The following SRGAP1 variants were observed in gnomAD, a reference collection of about 807,000 sequenced individuals.
SRGAP1 encodes SLIT-ROBO Rho GTPase-activating protein 1.
SRGAP1 carries 43 observed loss-of-function variants against 121.9 expected under a neutral mutation model. That is an observed-to-expected ratio of 0.35 (90% CI 0.28 to 0.46). SRGAP1 has a LOEUF of 0.46. SRGAP1 is among the 20% of genes least tolerant of loss of function. The pLI is 1.00. For synonymous variants in SRGAP1, 447 were observed against 485.4 expected (o/e 0.92, Z 1.04); for missense variants, 1,102 against 1,350.9 (o/e 0.82, Z 2.89).
At chr12:64,073,893 T>G (rs2136554146) in intron 8 of SRGAP1, among the ~76,000 whole-genome samples, 1 of 151,912 alleles carries the variant, frequency 6.6e-6, no homozygotes, top group South Asian at 2.1e-4. Context: ...GTTTGTTTGC[T>G]TTAGAAGCTT....
chr12:64,045,415 G>A (rs1399432179), intron 6 of SRGAP1, among the ~76,000 whole-genome samples: 1 of 151,674 alleles, frequency 6.6e-6, no homozygotes, highest in Non-Finnish European at 1.5e-5. Context: ...AGTGATTGGA[G>A]TACTTGGCTA....
At chr12:64,060,110 G>A (rs1308658450) in intron 6 of SRGAP1, among the ~76,000 whole-genome samples, 7 of 151,152 alleles carry the variant, frequency 4.6e-5, no homozygotes, top group East Asian at 1.9e-4. Flanking sequence ...GAAATAGGTC[G>A]GGGTGGAACT....
chr12:63,914,752 C>G (rs1242382769), intron 1 of SRGAP1, among the ~76,000 whole-genome samples: 14 of 152,016 alleles, frequency 9.2e-5, no homozygotes, highest in Admixed American at 8.5e-4. Flanking sequence ...GTCTAAAAAC[C>G]ATTCCCTCTG....
At chr12:64,071,504 C>T (rs1313215064) in intron 8 of SRGAP1, among the ~76,000 whole-genome samples, 1 of 152,232 alleles carries the variant, frequency 6.6e-6, no homozygotes, top group East Asian at 1.9e-4. Flanking sequence ...CTTCAAGTTG[C>T]TTCCACCGTA....
At chr12:64,091,528 A>G in intron 12 of SRGAP1, 150 bp downstream of exon 12, 1 of 542,582 alleles carries the variant, frequency 1.8e-6, no homozygotes. Flanking sequence ...TCCTGAAGTC[A>G]GAGAGGAAAG....
At chr12:63,928,754 G>A (rs1182075769) in intron 1 of SRGAP1, among the ~76,000 whole-genome samples, 1 of 152,078 alleles carries the variant, frequency 6.6e-6, no homozygotes, top group East Asian at 1.9e-4. Context: ...TGGGAGCCCC[G>A]AGCTTGTTTT....
chr12:63,853,018 C>T (rs562331769), intron 1 of SRGAP1, among the ~76,000 whole-genome samples: 125 of 150,502 alleles, frequency 8.3e-4, no homozygotes, highest in African/African-American at 3.0e-3. Flanking sequence ...AGTATTACCG[C>T]AAAATTTTTT....
Position 64,094,974 on chromosome 12 carries a change from C to G in SRGAP1, c.1582C>G (p.Arg528Gly). The G allele has an allele frequency of 6.2e-7, 1 of 1,613,978 alleles. No homozygotes were observed. ...VIPLIVESCI[R>G]FINLYGLQHQ... ...TCCCCTCATTGTGGAAAGCTGTATTCGGTTCATCAATCTCTATGGTAAGCC... is the reference window on the plus strand; with the variant it reads ...TCCCCTCATTGTGGAAAGCTGTATTGGGTTCATCAATCTCTATGGTAAGCC... The change falls in exon 13 of 22, where the codon CGG becomes GGG. Residue 528 changes from arginine (R) to glycine (G), a missense_variant. Physicochemically the swap from Arg to Gly is moderately radical, Grantham distance 125 (BLOSUM62 -2). Around this residue, in one of 3 missense-constraint regions of SRGAP1, gnomAD observed 747 missense variants for 929.4 expected, o/e 0.80. Transcript: ENST00000355086.
At chr12:63,854,478 A>C (rs1899174421) in intron 1 of SRGAP1, among the ~76,000 whole-genome samples, 1 of 152,168 alleles carries the variant, frequency 6.6e-6, no homozygotes, top group South Asian at 2.1e-4. Flanking sequence ...AATCTTGGGG[A>C]GGGAAGAAAT....
intron 1 of SRGAP1, among the ~76,000 whole-genome samples, chr12:63,850,353 C>T (rs967675867): frequency 2.0e-5 from 3 of 152,070 alleles, no homozygotes; most frequent in African/African-American, 7.2e-5. Context: ...TTGTTTACTC[C>T]TGTGCTATGT....
At chr12:64,083,780 G>A (rs1329645182) in intron 10 of SRGAP1, among the ~76,000 whole-genome samples, 3 of 152,062 alleles carry the variant, frequency 2.0e-5, no homozygotes, top group Admixed American at 6.5e-5. Flanking sequence ...GGAGTTAAGG[G>A]GGTGCAAATA....
At chr12:63,949,983 A>G (rs1222955750) in intron 1 of SRGAP1, among the ~76,000 whole-genome samples, 1 of 152,212 alleles carries the variant, frequency 6.6e-6, no homozygotes, top group African/African-American at 2.4e-5. Flanking sequence ...TTGAAAATGT[A>G]TCTCTAAACA....
intron 1 of SRGAP1, among the ~76,000 whole-genome samples, chr12:63,928,101 G>A (rs1023060367): frequency 5.9e-5 from 9 of 152,016 alleles, no homozygotes; most frequent in African/African-American, 2.2e-4. Context: ...TGGTGTTGAG[G>A]TTGTCTTTTC....
At chr12:64,024,667 A>C (rs1176772431) in intron 4 of SRGAP1, among the ~76,000 whole-genome samples, 1 of 152,182 alleles carries the variant, frequency 6.6e-6, no homozygotes, top group East Asian at 1.9e-4. Context: ...TGCAATGAAG[A>C]AATACCTGAG....
At chr12:63,922,152 T>C (rs12824749) in intron 1 of SRGAP1, among the ~76,000 whole-genome samples, 1 of 152,120 alleles carries the variant, frequency 6.6e-6, no homozygotes, top group African/African-American at 2.4e-5. Context: ...CTTATTTTTG[T>C]ATTTTTATTA....
chr12:64,010,893 C>G (rs543153341), intron 3 of SRGAP1, among the ~76,000 whole-genome samples: 1 of 151,256 alleles, frequency 6.6e-6, no homozygotes, highest in South Asian at 2.1e-4. Context: ...AGCCAGTATA[C>G]TAGATGGCCT....
At chr12:64,115,756 G>A (rs1376514581) in intron 17 of SRGAP1, 58 bp from the exon 18 acceptor site, 3 of 1,430,718 alleles carry the variant, frequency 2.1e-6, no homozygotes, top group East Asian at 2.5e-5. Context: ...GCAAGAACCT[G>A]TCTCAAAAAA....
At chr12:64,039,459 AG>A (rs1459143398) in intron 4 of SRGAP1, among the ~76,000 whole-genome samples, 1 of 152,162 alleles carries the variant, frequency 6.6e-6, no homozygotes, top group African/African-American at 2.4e-5. Flanking sequence ...TCAGTGTCCA[AG>A]TCAAGCAAGA....
At chr12:63,877,953 C>G (rs899830975) in intron 1 of SRGAP1, among the ~76,000 whole-genome samples, 1 of 152,212 alleles carries the variant, frequency 6.6e-6, no homozygotes, top group Non-Finnish European at 1.5e-5. Context: ...ATGATAGAGC[C>G]TCTATGCTGT....
Sources: gnomAD v4.1 joint callset for allele counts (sites outside exome capture counted in the v4.1 genomes callset) on GRCh38, gnomAD v4.1.1 for gene constraint, gnomAD v4.1.1 regional missense constraint, MANE v1.5 for transcripts, NCBI Gene and HGNC (gene_info 2026-07-23, HGNC 2026-07-21) for gene names.